Variants in PPM1E observed in about 807,000 individuals in gnomAD.
PPM1E encodes the protein protein phosphatase 1E.
A neutral mutation model predicts 65.9 loss-of-function variants in PPM1E; 20 were observed. That is an observed-to-expected ratio of 0.30 (90% CI 0.21 to 0.44). The LOEUF is 0.44. PPM1E is among the 20% of genes least tolerant of loss of function. PPM1E has a pLI of 1.00. For synonymous variants in PPM1E, 352 were observed against 374.9 expected (o/e 0.94, Z 0.70); for missense variants, 713 against 953.1 (o/e 0.75, Z 3.32).
rs768882928 is a variant in PPM1E, at chr17:58,969,583, G to A, written c.828G>A (p.Gly276=). Residue 276 remains glycine (G), a synonymous_variant, in exon 4 of 7, where the codon GGG becomes GGA. Transcript: ENST00000308249. ...QAYFAVFDGH[G]GVDAAIYASI... ...ACTTTGCAGTGTTTGATGGCCATGG[G>A]GGAGTAGATGCTGCTATTTATGCCT... 2.5e-6 allele frequency: 4 copies of A among 1,614,014 alleles called. No individual in the cohort carries two copies. Among genetic ancestry groups the A allele is most frequent in the Non-Finnish European group, 3.4e-6 (4 of 1,180,034 alleles).
intron 1 of PPM1E, among the ~76,000 whole-genome samples, chr17:58,773,444 T>G (rs1403662185): frequency 6.6e-6 from 1 of 152,176 alleles, no homozygotes; most frequent in Non-Finnish European, 1.5e-5. Flanking sequence ...TCAACACTCG[T>G]TTCAAATGCT....
At chr17:58,806,530 T>G (rs1343205246) in intron 1 of PPM1E, among the ~76,000 whole-genome samples, 1 of 152,066 alleles carries the variant, frequency 6.6e-6, no homozygotes, top group Admixed American at 6.6e-5. Flanking sequence ...CTAATTCAAT[T>G]TTTTCCTTTT....
rs980535079 is a variant in PPM1E at position 58,798,230 on chromosome 17, GTTTTTT to G, written c.464+41780_464+41785del. Among the ~76,000 whole-genome samples, 6 of 130,030 alleles carry G rather than the reference GTTTTTT, an allele frequency of 4.6e-5. No homozygotes were observed. The East Asian group carries it at 9.0e-4, about 20-fold the overall frequency. The allele number at this position is 130,030 out of a possible 152,430, so 85.3% of individuals were successfully genotyped here. On this transcript the variant is annotated intron_variant, in intron 1 of 6. Coordinates refer to ENST00000308249, the MANE Select transcript of PPM1E (RefSeq NM_014906.5). The stretch of plus-strand genomic sequence containing the variant: ...TCTGTGTGAATTACGTTTTTTGTTT[GTTTTTT>G]TTTTTTTTTTGAGACGAAGTCTCGT...
chr17:58,783,620 G>A (rs1288128953), intron 1 of PPM1E, among the ~76,000 whole-genome samples: 1 of 152,188 alleles, frequency 6.6e-6, no homozygotes, highest in African/African-American at 2.4e-5. Context: ...TGGGACATAA[G>A]CCCAAAAGAA....
intron 1 of PPM1E, among the ~76,000 whole-genome samples, chr17:58,898,485 C>T (rs908682277): frequency 7.2e-5 from 11 of 151,948 alleles, no homozygotes; most frequent in South Asian, 2.1e-4. Flanking sequence ...ATTAGAATGG[C>T]GATCATTAAA....
In PPM1E at chr17:58,966,086, A is replaced by C. The variant is rs182599090; in HGVS notation, c.783+193A>C. The stretch of plus-strand genomic sequence containing the variant: ...TTACGTTCTTTTGAATAGGTAATGC[A>C]TTCACATGGTTCAAAATTGGGAAAA... On this transcript the variant is annotated intron_variant, in intron 3 of 6. Coordinates refer to ENST00000308249, the MANE Select transcript of PPM1E (RefSeq NM_014906.5). 3.1e-5 allele frequency: 19 copies of C among 615,838 alleles called. No individual in the cohort carries two copies. The Admixed American group carries it at 5.3e-4, about 17-fold the overall frequency. 38.1% of individuals were successfully genotyped at this position (615,838 alleles called of 1,614,324 possible). A position where few individuals can be genotyped will look rare whatever the true frequency, so the allele number is the denominator to read the frequency against.
At chr17:58,915,506 G>A (rs377765412) in intron 1 of PPM1E, among the ~76,000 whole-genome samples, 1 of 152,134 alleles carries the variant, frequency 6.6e-6, no homozygotes, top group East Asian at 1.9e-4. Flanking sequence ...ATGCCTAACT[G>A]TCTGAGAATG....
intron 1 of PPM1E, among the ~76,000 whole-genome samples, chr17:58,947,332 G>C (rs929258758): frequency 6.8e-6 from 1 of 146,640 alleles, no homozygotes; most frequent in Non-Finnish European, 1.5e-5. Context: ...TGCCTCTTGG[G>C]TTCAGGCGAT....
At chr17:58,847,595 A>C (rs2050784921) in intron 1 of PPM1E, among the ~76,000 whole-genome samples, 1 of 151,948 alleles carries the variant, frequency 6.6e-6, no homozygotes, top group Non-Finnish European at 1.5e-5. Context: ...GTGTGGTATT[A>C]TTTCTGAGGG....
intron 1 of PPM1E, among the ~76,000 whole-genome samples, chr17:58,937,354 C>T (rs2051996572): frequency 6.7e-6 from 1 of 148,446 alleles, no homozygotes; most frequent in African/African-American, 2.5e-5. Context: ...ACCTCCACCT[C>T]CCCAGTTCAA....
intron 1 of PPM1E, among the ~76,000 whole-genome samples, chr17:58,910,164 C>G (rs1006227374): frequency 1.3e-5 from 2 of 151,910 alleles, no homozygotes; most frequent in African/African-American, 4.8e-5. Context: ...CGTTGCCCCA[C>G]AGTTCTTGAG....
intron 1 of PPM1E, among the ~76,000 whole-genome samples, chr17:58,786,881 C>G (rs11079356): frequency 2.0e-5 from 3 of 151,892 alleles, no homozygotes; most frequent in African/African-American, 7.3e-5. Flanking sequence ...CAATCATAAT[C>G]TTTGTGCATA....
In PPM1E at chr17:58,939,079, C is replaced by T. The variant is rs1345669068; in HGVS notation, c.465-16570C>T. ...CTGGGATTACAGGTGTGCACCACCA[C>T]GCCTGGCCCACTAATTCCGATAATG... On this transcript the variant is annotated intron_variant, in intron 1 of 6. Coordinates refer to ENST00000308249, the MANE Select transcript of PPM1E (RefSeq NM_014906.5). 3.3e-5 allele frequency among the ~76,000 whole-genome samples: 5 copies of T among 152,228 alleles called. No homozygotes were observed. In the East Asian group the frequency reaches 5.8e-4, roughly 18 times the overall value.
intron 1 of PPM1E, among the ~76,000 whole-genome samples, chr17:58,867,340 G>A (rs1195186903): frequency 6.6e-6 from 1 of 152,166 alleles, no homozygotes; most frequent in African/African-American, 2.4e-5. Flanking sequence ...ACCAGATGTT[G>A]AAGAATAGCT....
intron 1 of PPM1E, among the ~76,000 whole-genome samples, chr17:58,808,532 G>A (rs2143085469): frequency 6.6e-6 from 1 of 152,070 alleles, no homozygotes; most frequent in Non-Finnish European, 1.5e-5. Context: ...GTGTACGTGT[G>A]TCTGTGTGTT....
intron 1 of PPM1E, among the ~76,000 whole-genome samples, chr17:58,906,865 C>T (rs1484377253): frequency 6.6e-6 from 1 of 152,062 alleles, no homozygotes; most frequent in Non-Finnish European, 1.5e-5. Context: ...TTTTAATAAG[C>T]TGTGCTTTCA....
chr17:58,769,471 C>T (rs189626356), intron 1 of PPM1E, among the ~76,000 whole-genome samples: 532 of 152,148 alleles, frequency 3.5e-3, no homozygotes, highest in African/African-American at 0.012. Flanking sequence ...GCGGTGTGTA[C>T]CTGTAGTCCC....
chr17:58,913,952 T>C (rs182031382), intron 1 of PPM1E, among the ~76,000 whole-genome samples: 3 of 152,214 alleles, frequency 2.0e-5, no homozygotes, highest in African/African-American at 7.2e-5. Context: ...AAGGCAGTTT[T>C]GTTTCCTGAG....
At chr17:58,862,149 A>G (rs1439396603) in intron 1 of PPM1E, among the ~76,000 whole-genome samples, 3 of 152,220 alleles carry the variant, frequency 2.0e-5, no homozygotes, top group Non-Finnish European at 4.4e-5. Flanking sequence ...ACAGTTTCAT[A>G]GGTCTGCCTG....
Sources: allele counts gnomAD v4.1 joint callset (sites outside exome capture counted in the v4.1 genomes callset), GRCh38; gene constraint gnomAD v4.1.1; transcripts MANE v1.5; gene names NCBI Gene and HGNC (gene_info 2026-07-23, HGNC 2026-07-21).